Variants in MAPKAPK2 observed in about 807,000 individuals in gnomAD.
The protein encoded by MAPKAPK2 is MAP kinase-activated protein kinase 2.
Under a neutral mutation model 48.8 loss-of-function variants are expected in MAPKAPK2, and 9 were observed. The observed-to-expected ratio is 0.18, with a 90% CI of 0.11 to 0.32. MAPKAPK2 has a LOEUF of 0.32. Among genes scored for constraint, MAPKAPK2 ranks in the 10% least tolerant of loss-of-function variants. The probability of loss-of-function intolerance (pLI) is 1.00; values close to 1 mark genes in which losing one functional copy is unlikely to be tolerated. For missense variants in MAPKAPK2, 331 were observed against 498.3 expected (o/e 0.66, Z 3.20); for synonymous variants, 202 against 190.6 (o/e 1.06, Z -0.49).
intron 1 of MAPKAPK2, among the ~76,000 whole-genome samples, chr1:206,696,963 C>G (rs921420735): frequency 6.6e-6 from 1 of 152,150 alleles, no homozygotes; most frequent in African/African-American, 2.4e-5. Context: ...AAAAGCTGCT[C>G]TTAGTCTTCT....
intron 2 of MAPKAPK2, 49 bp downstream of exon 2, chr1:206,728,898 C>T: frequency 1.9e-6 from 3 of 1,612,038 alleles, no homozygotes; most frequent in South Asian, 1.1e-5. Context: ...CCACTCCTCA[C>T]TCAGGCACCT....
chr1:206,705,569 G>T (rs1336182235), intron 1 of MAPKAPK2, among the ~76,000 whole-genome samples: 2 of 152,186 alleles, frequency 1.3e-5, no homozygotes, highest in Non-Finnish European at 2.9e-5. Context: ...TTTCCGATGG[G>T]TGCAATTGTG....
At chr1:206,691,318 G>A (rs1672447019) in intron 1 of MAPKAPK2, among the ~76,000 whole-genome samples, 1 of 151,894 alleles carries the variant, frequency 6.6e-6, no homozygotes, top group Non-Finnish European at 1.5e-5. Context: ...TAACGCATCA[G>A]CTAGGATCTT....
intron 1 of MAPKAPK2, among the ~76,000 whole-genome samples, chr1:206,693,465 G>A (rs186774964): frequency 4.0e-4 from 61 of 152,270 alleles, no homozygotes; most frequent in African/African-American, 1.4e-3. Context: ...CTAGATTTGT[G>A]TGTATGAAAG....
chr1:206,706,946 TC>T (rs1342476719), intron 1 of MAPKAPK2, among the ~76,000 whole-genome samples: 4 of 152,022 alleles, frequency 2.6e-5, no homozygotes, highest in African/African-American at 9.7e-5. Context: ...ATTCATTCTC[TC>T]CCCTCACCTG....
intron 1 of MAPKAPK2, among the ~76,000 whole-genome samples, chr1:206,705,174 C>T (rs1553428389): frequency 6.6e-6 from 1 of 151,862 alleles, no homozygotes; most frequent in East Asian, 1.9e-4. Context: ...TCTGGGTCAG[C>T]ACAAGTTGGA....
rs186634250 is a variant in MAPKAPK2, at chr1:206,715,306, T to G, written c.280-13404T>G. ...TGGCTTTGGATGTAGCTTGAAGACA[T>G]GCTCCTAGCATTTTCACAAGCTCTG... On this transcript the variant is annotated intron_variant, in intron 1 of 9. Coordinates refer to ENST00000367103, the MANE Select transcript of MAPKAPK2 (RefSeq NM_032960.4). 7.4e-4 allele frequency among the ~76,000 whole-genome samples: 112 copies of G among 152,362 alleles called. 1 individual carries two copies. The highest frequency in any genetic ancestry group is 4.7e-3 in the Admixed American group (72 of 15,300).
intron 1 of MAPKAPK2, among the ~76,000 whole-genome samples, chr1:206,689,578 A>T (rs1672391659): frequency 6.6e-6 from 1 of 152,198 alleles, no homozygotes; most frequent in Non-Finnish European, 1.5e-5. Flanking sequence ...AATATCTATC[A>T]TAAGCTTAGT....
rs781828835 is a variant in MAPKAPK2 at position 206,732,747 on chromosome 1, A to G, written c.*29A>G. 1 of 1,612,608 alleles carries G rather than the reference A, an allele frequency of 6.2e-7. No individual in the cohort carries two copies. Among genetic ancestry groups the G allele is most frequent in the Admixed American group, 1.7e-5 (1 of 59,750 alleles). ...ACCGCGCCCTCCTGCCCACGGGAGG[A>G]CAAGCAATAACTCTCTACAGGAATA... is the stretch of plus-strand genomic sequence containing the variant. On this transcript the variant is annotated 3_prime_UTR_variant, in exon 10 of 10. Transcript: ENST00000367103. This position sits in a 1 kb window ranked among gnomAD's most constrained non-coding sequence, Gnocchi z 4.4.
chr1:206,711,607 C>CTTTTTTT (rs781793889), intron 1 of MAPKAPK2, among the ~76,000 whole-genome samples: 16 of 115,506 alleles, frequency 1.4e-4, no homozygotes, highest in South Asian at 2.9e-4. Flanking sequence ...CTACCTCATT[C>CTTTTTTT]TTTTTTTTTT....
At chr1:206,686,476 G>GCA (rs1463656786) in intron 1 of MAPKAPK2, among the ~76,000 whole-genome samples, 1 of 152,200 alleles carries the variant, frequency 6.6e-6, no homozygotes, top group African/African-American at 2.4e-5. Context: ...CCGCAGTGAA[G>GCA]TGTGAGCCGG....
intron 1 of MAPKAPK2, among the ~76,000 whole-genome samples, chr1:206,698,251 G>T (rs187971684): frequency 8.7e-4 from 132 of 152,314 alleles, no homozygotes; most frequent in Middle Eastern, 3.4e-3. Context: ...GGATTAGCTT[G>T]GAATGGCAGA....
At chr1:206,706,989 C>A (rs1672981098) in intron 1 of MAPKAPK2, among the ~76,000 whole-genome samples, 1 of 152,266 alleles carries the variant, frequency 6.6e-6, no homozygotes, top group Admixed American at 6.5e-5. Flanking sequence ...AACAGCTTGG[C>A]AGCCTTGCGG....
intron 1 of MAPKAPK2, among the ~76,000 whole-genome samples, chr1:206,723,036 T>C (rs1383095741): frequency 6.6e-6 from 1 of 152,150 alleles, no homozygotes; most frequent in Non-Finnish European, 1.5e-5. Flanking sequence ...CACAACACAC[T>C]TGGTGCCAGA....
intron 2 of MAPKAPK2, 86 bp from the exon 3 acceptor site, chr1:206,728,949 A>C: frequency 1.2e-6 from 2 of 1,612,108 alleles, no homozygotes; most frequent in Middle Eastern, 1.7e-4. Flanking sequence ...TGAAGCCTGG[A>C]ATGTAAACAC....
At chr1:206,696,287 A>G (rs1299997541) in intron 1 of MAPKAPK2, 1 of 1,079,694 alleles carries the variant, frequency 9.3e-7, no homozygotes, top group Non-Finnish European at 1.4e-6. Flanking sequence ...TGTTGTTTCC[A>G]GACTCCGCAC....
chr1:206,708,461 T>C (rs1673032857), intron 1 of MAPKAPK2, among the ~76,000 whole-genome samples: 1 of 152,272 alleles, frequency 6.6e-6, no homozygotes, highest in Admixed American at 6.5e-5. Context: ...TTATCATGTC[T>C]CTACGTGTTT....
At chr1:206,696,200 C>T in intron 1 of MAPKAPK2, 1 of 1,496,754 alleles carries the variant, frequency 6.7e-7, no homozygotes. Context: ...ACATTCTCTC[C>T]TTCAGCCACC....
chr1:206,705,418 G>C (rs1255624886), intron 1 of MAPKAPK2, among the ~76,000 whole-genome samples: 1 of 152,224 alleles, frequency 6.6e-6, no homozygotes, highest in Non-Finnish European at 1.5e-5. Flanking sequence ...TGCATGAGTA[G>C]ACACTCCTGC....
Sources: gnomAD v4.1 joint callset for allele counts (sites outside exome capture counted in the v4.1 genomes callset) on GRCh38, gnomAD v4.1.1 for gene constraint, Gnocchi (gnomAD v3.1) non-coding constraint, MANE v1.5 for transcripts, NCBI Gene and HGNC (gene_info 2026-07-23, HGNC 2026-07-21) for gene names.